Variants in USPL1 observed in about 807,000 individuals in gnomAD.
The protein encoded by USPL1 is ubiquitin specific peptidase like 1.
A neutral mutation model predicts 51.5 loss-of-function variants in USPL1; 27 were observed. That is an observed-to-expected ratio of 0.52 (90% CI 0.39 to 0.72). The LOEUF is 0.72. Among genes scored for constraint, USPL1 ranks in the 30% least tolerant of loss-of-function variants. The probability of loss-of-function intolerance (pLI) is 0.00; values close to 1 mark genes in which losing one functional copy is unlikely to be tolerated. For synonymous variants in USPL1, 451 were observed against 459.6 expected (o/e 0.98, Z 0.24); for missense variants, 1,226 against 1,268.0 (o/e 0.97, Z 0.50).
At position 30,623,044 on chromosome 13, in the gene USPL1, G is replaced by A. The variant is rs182022423; in HGVS notation, c.228+1152G>A. On this transcript the variant is annotated intron_variant, in intron 3 of 8. Transcript: ENST00000255304. The stretch of plus-strand genomic sequence containing the variant: ...ACAAGTATGTGTTTTTCTGTCAGGT[G>A]ATAAAAAGTGCTGTGGAGAAAAATA... Among the ~76,000 whole-genome samples, 33 of 152,228 alleles carry A rather than the reference G, an allele frequency of 2.2e-4. No homozygotes were observed. In the East Asian group the frequency reaches 6.4e-3, roughly 29 times the overall value.
intron 5 of USPL1, among the ~76,000 whole-genome samples, chr13:30,639,440 A>G (rs1213012054): frequency 6.6e-6 from 1 of 151,970 alleles, no homozygotes; most frequent in Non-Finnish European, 1.5e-5. Context: ...GGACTTATAC[A>G]TACATATTTA....
chr13:30,636,266 C>T (rs1423432259), intron 4 of USPL1, among the ~76,000 whole-genome samples: 2 of 151,838 alleles, frequency 1.3e-5, no homozygotes, highest in African/African-American at 4.8e-5. Context: ...TGTTTTTAAT[C>T]TGTTACTAAT....
chr13:30,618,872 T>C (rs1382938505), intron 1 of USPL1, among the ~76,000 whole-genome samples: 2 of 152,166 alleles, frequency 1.3e-5, no homozygotes, highest in African/African-American at 4.8e-5. Context: ...GAGTTTGCTG[T>C]AATCAGGCTA....
intron 1 of USPL1, among the ~76,000 whole-genome samples, chr13:30,618,896 A>T (rs1950608955): frequency 6.6e-6 from 1 of 152,066 alleles, no homozygotes; most frequent in Admixed American, 6.6e-5. Flanking sequence ...TAAATAGAGA[A>T]TTTTAAACTA....
At chr13:30,623,200 G>C (rs1259978604) in intron 3 of USPL1, among the ~76,000 whole-genome samples, 2 of 152,096 alleles carry the variant, frequency 1.3e-5, no homozygotes, top group East Asian at 3.8e-4. Flanking sequence ...GAGCTTTCTA[G>C]GCAGGGGAAG....
Position 30,653,182 on chromosome 13 carries a change from G to A in USPL1, c.1273G>A (p.Gly425Ser). 1 of 1,609,854 alleles carries A rather than the reference G, an allele frequency of 6.2e-7. No homozygotes were observed. Among genetic ancestry groups the A allele is most frequent in the Admixed American group, 1.7e-5 (1 of 59,654 alleles). ...CATATTCATGTTGCACTTTGTAGAAGGCTTACCACAGAATGACTTGCAGCA... is the reference window on the plus strand; with the variant it reads ...CATATTCATGTTGCACTTTGTAGAAAGCTTACCACAGAATGACTTGCAGCA... ...SPIFMLHFVEGLPQNDLQHYA... is the reference protein window; with the variant it reads ...SPIFMLHFVESLPQNDLQHYA... Residue 425 changes from glycine (G) to serine (S), a missense_variant, in exon 8 of 9, where the codon GGC becomes AGC. Coordinates refer to ENST00000255304, the MANE Select transcript of USPL1 (RefSeq NM_005800.5).
intron 6 of USPL1, among the ~76,000 whole-genome samples, chr13:30,644,682 C>T (rs1950994568): frequency 2.0e-5 from 3 of 152,212 alleles, no homozygotes; most frequent in Admixed American, 6.5e-5. Context: ...ATAGTTTCAT[C>T]GTGTTAAAAG....
At position 30,639,353 on chromosome 13, in the gene USPL1, C is replaced by T. The variant is rs1454801894; in HGVS notation, c.982+1496C>T. On this transcript the variant is annotated intron_variant, in intron 5 of 8. Coordinates refer to ENST00000255304, the MANE Select transcript of USPL1 (RefSeq NM_005800.5). ...CGTACTTCTTTGACTCATGCTTCTG[C>T]CCCCTAATTTTCACTTTTTTTCCTA... 2.6e-5 allele frequency among the ~76,000 whole-genome samples: 4 copies of T among 151,634 alleles called. No individual in the cohort carries two copies. The East Asian group carries it at 7.7e-4, about 29-fold the overall frequency.
In USPL1 at chr13:30,658,587, G is replaced by A; in HGVS notation, c.2510G>A (p.Gly837Asp). The A allele has an allele frequency of 6.2e-7, 1 of 1,614,132 alleles. No homozygotes were observed. Among genetic ancestry groups the A allele is most frequent in the Non-Finnish European group, 8.5e-7 (1 of 1,180,018 alleles). Residue 837 changes from glycine (G) to aspartate (D), a missense_variant, in exon 9 of 9, where the codon GGC becomes GAC. Physicochemically the swap from Gly to Asp is moderately conservative, Grantham distance 94. Coordinates refer to ENST00000255304, the MANE Select transcript of USPL1 (RefSeq NM_005800.5). ...CCAGCAGGCCCTCCATCGTCTAATG[G>A]CACAGCTGCCCACCCACATGCTCAT... is the stretch of plus-strand genomic sequence containing the variant. ...KPPAGPPSSN[G>D]TAAHPHAHAA...
chr13:30,623,973 G>GT (rs992990911), intron 3 of USPL1, among the ~76,000 whole-genome samples: 22 of 152,144 alleles, frequency 1.4e-4, no homozygotes, highest in Non-Finnish European at 2.8e-4. Flanking sequence ...GTAAGTGTTT[G>GT]TTTGAGTTCT....
intron 4 of USPL1, among the ~76,000 whole-genome samples, chr13:30,633,970 C>G (rs1337380991): frequency 6.6e-6 from 1 of 152,080 alleles, no homozygotes; most frequent in Non-Finnish European, 1.5e-5. Context: ...GCACAAATTT[C>G]TTTTTCTTTC....
intron 5 of USPL1, among the ~76,000 whole-genome samples, chr13:30,641,906 A>ATT (rs779288804): frequency 2.1e-5 from 3 of 141,454 alleles, no homozygotes. Flanking sequence ...CATTTCCATA[A>ATT]TTTTTTTTTT....
chr13:30,658,480 T>C lies in USPL1; in HGVS notation c.2403T>C (p.Thr801=). ...KGVNNFGGFK[T]KGINQKASHV... ...TAAATAATTTTGGTGGCTTTAAAAC[T>C]AAAGGTATAAACCAGAAGGCCAGCC... The change falls in exon 9 of 9, where the codon ACT becomes ACC. Residue 801 remains threonine (T), a synonymous_variant. Coordinates refer to ENST00000255304, the MANE Select transcript of USPL1 (RefSeq NM_005800.5). 6.2e-7 allele frequency: 1 copy of C among 1,613,836 alleles called. No individual in the cohort carries two copies. Among genetic ancestry groups the C allele is most frequent in the Non-Finnish European group, 8.5e-7 (1 of 1,180,022 alleles).
At chr13:30,630,728 T>C (rs990802506) in intron 3 of USPL1, 107 bp from the exon 4 acceptor site, 1 of 1,221,484 alleles carries the variant, frequency 8.2e-7, no homozygotes, top group African/African-American at 1.5e-5. Context: ...TAACCTGTCA[T>C]CAAATCAATG....
chr13:30,627,109 G>C (rs1950726959), intron 3 of USPL1, among the ~76,000 whole-genome samples: 1 of 151,774 alleles, frequency 6.6e-6, no homozygotes, highest in South Asian at 2.1e-4. Context: ...ACAGGATTAG[G>C]TTTTTTTCAG....
intron 6 of USPL1, among the ~76,000 whole-genome samples, chr13:30,646,260 C>T (rs930054388): frequency 2.5e-4 from 38 of 151,948 alleles, no homozygotes; most frequent in African/African-American, 8.7e-4. Flanking sequence ...TTTTAGATGG[C>T]GTTGCTCTCA....
chr13:30,634,646 A>G (rs1445143685), intron 4 of USPL1, among the ~76,000 whole-genome samples: 1 of 152,194 alleles, frequency 6.6e-6, no homozygotes, highest in Non-Finnish European at 1.5e-5. Context: ...GCCATTATAA[A>G]TGCTGCTGCT....
chr13:30,620,422 G>A (rs2181752), intron 1 of USPL1, among the ~76,000 whole-genome samples: 151,734 of 152,332 alleles, frequency 1, 75,574 homozygotes, highest in East Asian at 1. Context: ...TGTTAAATGT[G>A]GTTCTGCACC....
Position 30,659,116 on chromosome 13 carries a change from T to C in USPL1, c.3039T>C (p.Asp1013=). The change falls in exon 9 of 9, where the codon GAT becomes GAC. Residue 1013 remains aspartate (D), a synonymous_variant. Coordinates refer to ENST00000255304, the MANE Select transcript of USPL1 (RefSeq NM_005800.5). ...CACCAGTACCAAGTGAATTCAATGA[T>C]GTTTCCCAGAACACACATCTGAGAC... The part of the protein sequence containing the change: ...IPPPVPSEFN[D]VSQNTHLRQD... 1.9e-6 allele frequency: 3 copies of C among 1,614,228 alleles called. No homozygotes were observed. In the South Asian group the frequency reaches 3.3e-5, roughly 18 times the overall value.
Sources: gnomAD v4.1 joint callset for allele counts (sites outside exome capture counted in the v4.1 genomes callset) on GRCh38, gnomAD v4.1.1 for gene constraint, MANE v1.5 for transcripts, NCBI Gene and HGNC (gene_info 2026-07-23, HGNC 2026-07-21) for gene names.